The following CCNYL1 variants were observed in gnomAD, a reference collection of about 807,000 sequenced individuals.
The protein encoded by CCNYL1 is cyclin-Y-like protein 1.
A neutral mutation model predicts 44.2 loss-of-function variants in CCNYL1; 16 were observed. The ratio of observed to expected loss-of-function variants is 0.36; its 90% CI spans 0.25 to 0.55. CCNYL1 has a LOEUF of 0.55. Ranked by LOEUF, CCNYL1 falls within the 20% of genes least tolerant of loss-of-function variation. The probability of loss-of-function intolerance (pLI) is 0.85; values close to 1 mark genes in which losing one functional copy is unlikely to be tolerated. For missense variants in CCNYL1, 348 were observed against 451.8 expected, an observed-to-expected ratio of 0.77 and a Z score of 2.08; for synonymous variants, 159 against 163.2, an observed-to-expected ratio of 0.97 and a Z score of 0.20.
chr2:207,755,126 C>G lies in CCNYL1; in HGVS notation c.*1428C>G, dbSNP rs2091922670. ...GGGCATAGTGATTCATGCCTGTAATCTCAGTACCCTGGGAGGCTGAGGTGG... is the reference window on the plus strand; with the variant it reads ...GGGCATAGTGATTCATGCCTGTAATGTCAGTACCCTGGGAGGCTGAGGTGG... On this transcript the variant is annotated 3_prime_UTR_variant, in exon 10 of 10. Transcript: ENST00000295414. 1 of 152,104 alleles carries G rather than the reference C, an allele frequency of 6.6e-6. No individual in the cohort carries two copies. Among genetic ancestry groups the G allele is most frequent in the Non-Finnish European group, 1.5e-5 (1 of 68,042 alleles). 9.4% of individuals were successfully genotyped at this position (152,104 alleles called of 1,614,324 possible).
At chr2:207,718,724 T>C (rs1392081016) in intron 1 of CCNYL1, among the ~76,000 whole-genome samples, 3 of 152,212 alleles carry the variant, frequency 2.0e-5, no homozygotes, top group East Asian at 3.8e-4. Context: ...CGTGTATTGC[T>C]GGTTAAAATG....
At chr2:207,714,307 C>G (rs1296243134) in intron 1 of CCNYL1, 4 of 400,864 alleles carry the variant, frequency 1.0e-5, no homozygotes, top group Non-Finnish European at 1.4e-5. Context: ...GCAACACTTA[C>G]ATCTCTTTTT....
chr2:207,752,991 A>G (rs1273795665), intron 9 of CCNYL1, among the ~76,000 whole-genome samples: 1 of 151,574 alleles, frequency 6.6e-6, no homozygotes, highest in Non-Finnish European at 1.5e-5. Context: ...ATGAGCTGAG[A>G]TCACTCCAGC....
chr2:207,740,609 A>G, intron 5 of CCNYL1, 46 bp from the exon 6 acceptor site: 1 of 1,310,624 alleles, frequency 7.6e-7, no homozygotes, highest in South Asian at 1.2e-5. Flanking sequence ...CTCAGATATT[A>G]ACAATTCCTG....
chr2:207,716,390 T>G (rs968513036), intron 1 of CCNYL1, among the ~76,000 whole-genome samples: 13 of 150,702 alleles, frequency 8.6e-5, no homozygotes, highest in Admixed American at 1.3e-4. Flanking sequence ...GTAAAAGACA[T>G]AGAGAATACA....
intron 3 of CCNYL1, among the ~76,000 whole-genome samples, chr2:207,728,277 C>A (rs765785624): frequency 0.041 from 4,274 of 104,176 alleles, 95 homozygotes; most frequent in Non-Finnish European, 0.063. Flanking sequence ...TTTTTTTTTT[C>A]TTTTTTTCTC....
intron 1 of CCNYL1, among the ~76,000 whole-genome samples, chr2:207,718,061 C>T (rs962401405): frequency 1.6e-4 from 24 of 151,860 alleles, no homozygotes; most frequent in Admixed American, 1.2e-3. Flanking sequence ...CGTGCCACCA[C>T]ACCCGGCTCA....
intron 7 of CCNYL1, among the ~76,000 whole-genome samples, chr2:207,742,822 C>T (rs1188622695): frequency 1.3e-5 from 2 of 152,194 alleles, no homozygotes; most frequent in Admixed American, 6.5e-5. Context: ...TTAATCATCT[C>T]TGCCTACCTC....
chr2:207,724,407 G>GT (rs2091664254), intron 1 of CCNYL1, among the ~76,000 whole-genome samples: 5 of 152,210 alleles, frequency 3.3e-5, no homozygotes, highest in Admixed American at 3.3e-4. Context: ...GTGCCTGACA[G>GT]TAACTGGCCA....
intron 1 of CCNYL1, among the ~76,000 whole-genome samples, chr2:207,715,379 C>CT (rs770646092): frequency 0.31 from 30,916 of 99,990 alleles, 6,447 homozygotes; most frequent in Middle Eastern, 0.44. Context: ...CAAGCTATTT[C>CT]TTTTTTTTTT....
At chr2:207,747,800 C>G (rs1313830612) in intron 8 of CCNYL1, among the ~76,000 whole-genome samples, 1 of 152,110 alleles carries the variant, frequency 6.6e-6, no homozygotes, top group African/African-American at 2.4e-5. Flanking sequence ...CCTTGTGATT[C>G]GCCCGCCTCC....
chr2:207,720,271 A>C (rs895286025), intron 1 of CCNYL1, among the ~76,000 whole-genome samples: 7 of 151,994 alleles, frequency 4.6e-5, no homozygotes, highest in Non-Finnish European at 7.4e-5. Context: ...AATTTATAGA[A>C]TGACTCATGG....
intron 7 of CCNYL1, among the ~76,000 whole-genome samples, chr2:207,743,360 T>G (rs1262811859): frequency 6.6e-6 from 1 of 152,168 alleles, no homozygotes; most frequent in Non-Finnish European, 1.5e-5. Flanking sequence ...TGTCCAATAA[T>G]CATTTGAATG....
At chr2:207,740,235 G>A (rs1023535810) in intron 5 of CCNYL1, among the ~76,000 whole-genome samples, 7 of 152,202 alleles carry the variant, frequency 4.6e-5, no homozygotes, top group African/African-American at 1.7e-4. Context: ...ATGTAATACG[G>A]AGAACTAGAA....
chr2:207,714,210 T>C (rs2091575088), intron 1 of CCNYL1: 1 of 368,558 alleles, frequency 2.7e-6, no homozygotes, highest in East Asian at 7.6e-5. Context: ...ATGCATCATG[T>C]ATTTTACCCA....
chr2:207,715,339 C>T (rs569536382), intron 1 of CCNYL1, among the ~76,000 whole-genome samples: 18 of 145,550 alleles, frequency 1.2e-4, no homozygotes, highest in African/African-American at 3.5e-4. Flanking sequence ...AGACAAAAAT[C>T]ATACATAAAT....
chr2:207,740,102 T>C (rs1394906011), intron 5 of CCNYL1, among the ~76,000 whole-genome samples: 1 of 152,180 alleles, frequency 6.6e-6, no homozygotes, highest in Non-Finnish European at 1.5e-5. Context: ...CTGGTTTTAT[T>C]AAATGAGCAC....
intron 1 of CCNYL1, among the ~76,000 whole-genome samples, chr2:207,721,803 C>T (rs112635841): frequency 2.0e-5 from 3 of 149,844 alleles, no homozygotes; most frequent in Non-Finnish European, 3.0e-5. Context: ...GGCGCCATCT[C>T]GGCTCACTGC....
chr2:207,744,947 C>T (rs1295320808), intron 7 of CCNYL1, among the ~76,000 whole-genome samples: 2 of 152,094 alleles, frequency 1.3e-5, no homozygotes, highest in African/African-American at 2.4e-5. Context: ...GGTATTTGGT[C>T]TCAGCAACTA....
Sources: allele counts gnomAD v4.1 joint callset (sites outside exome capture counted in the v4.1 genomes callset), GRCh38; gene constraint gnomAD v4.1.1; transcripts MANE v1.5; gene names NCBI Gene and HGNC (gene_info 2026-07-23, HGNC 2026-07-21).